Variants in SP1 observed in about 807,000 individuals in gnomAD.
The protein encoded by SP1 is Sp1 transcription factor.
Under a neutral mutation model 66.3 loss-of-function variants are expected in SP1, and 6 were observed. The ratio of observed to expected loss-of-function variants is 0.09; its 90% CI spans 0.05 to 0.18. SP1 has a LOEUF of 0.18. Among genes scored for constraint, SP1 ranks in the 10% least tolerant of loss-of-function variants. The pLI is 1.00. For missense variants in SP1, 848 were observed against 964.5 expected, an observed-to-expected ratio of 0.88 and a Z score of 1.60; for synonymous variants, 417 against 360.8, an observed-to-expected ratio of 1.16 and a Z score of -1.77.
chr12:53,416,444 A>C lies in SP1; in HGVS notation c.*5204A>C, dbSNP rs1424952402. The C allele has an allele frequency of 6.6e-6, 1 of 152,394 alleles. No homozygotes were observed. The highest frequency in any genetic ancestry group is 1.5e-5 in the Non-Finnish European group (1 of 67,994). The allele number at this position is 152,394 out of a possible 1,614,324, so 9.4% of individuals were successfully genotyped here. ...ACCAATTAAAAAGTTTTTTAATAAA[A>C]AACCATGTCTCTGGTGTATTGAAGA... On this transcript the variant is annotated 3_prime_UTR_variant, in exon 6 of 6. Transcript: ENST00000327443.
At position 53,383,341 on chromosome 12, in the gene SP1, A is replaced by G. The variant is rs1014322533; in HGVS notation, c.1394A>G (p.Gln465Arg). The G allele has an allele frequency of 1.2e-6, 2 of 1,614,100 alleles. No homozygotes were observed. Among genetic ancestry groups the G allele is most frequent in the African/African-American group, 1.3e-5 (1 of 74,942 alleles). ...GGGCCCAATGGACAGGTCAGTTGGC[A>G]GACTCTACAGCTGCAGAACCTCCAA... The part of the protein sequence containing the change: ...TVGPNGQVSW[Q>R]TLQLQNLQVQ... Residue 465 changes from glutamine (Q) to arginine (R), a missense_variant, in exon 3 of 6, where the codon CAG (glutamine) becomes CGG (arginine). Gln to Arg is a conservative substitution (Grantham distance 43). Transcript: ENST00000327443.
At position 53,382,554 on chromosome 12, in the gene SP1, C is replaced by A; in HGVS notation, c.607C>A (p.Gln203Lys). 1 of 1,614,058 alleles carries A rather than the reference C, an allele frequency of 6.2e-7. No individual in the cohort carries two copies. Among genetic ancestry groups the A allele is most frequent in the Non-Finnish European group, 8.5e-7 (1 of 1,180,014 alleles). ...GAQVQQDGSGQIQIIPGANQQ... is the reference protein window; with the variant it reads ...GAQVQQDGSGKIQIIPGANQQ... ...CCAAGTGCAGCAGGATGGTTCTGGTCAAATACAGATCATACCAGGTGCAAA... is the reference window on the plus strand; with the variant it reads ...CCAAGTGCAGCAGGATGGTTCTGGTAAAATACAGATCATACCAGGTGCAAA... The change falls in exon 3 of 6, where the codon CAA becomes AAA. Residue 203 changes from glutamine to lysine, a missense_variant. Physicochemically the swap from Gln to Lys is moderately conservative, Grantham distance 53. Around this residue, in one of 7 missense-constraint regions of SP1, gnomAD observed 606 missense variants for 589.9 expected, o/e 1.03. Coordinates refer to ENST00000327443, the MANE Select transcript of SP1 (RefSeq NM_138473.3).
In SP1 at chr12:53,382,583, A is replaced by G. The variant is rs1433712713; in HGVS notation, c.636A>G (p.Gln212=). The change falls in exon 3 of 6, where the codon CAA becomes CAG. Residue 212 remains glutamine (Q), a synonymous_variant. Transcript: ENST00000327443. ...GQIQIIPGAN[Q]QIITNRGSGG... is the part of the protein sequence containing the mutation. ...TACAGATCATACCAGGTGCAAACCA[A>G]CAGATTATCACAAATCGAGGAAGTG... 1.9e-6 allele frequency: 3 copies of G among 1,614,212 alleles called. No homozygotes were observed. Among genetic ancestry groups the G allele is most frequent in the Non-Finnish European group, 2.5e-6 (3 of 1,180,040 alleles).
At position 53,380,213 on chromosome 12, in the gene SP1, C is replaced by A. The variant is rs576657944; in HGVS notation, c.-79C>A. ...CTGTCCGGTCCGGGTTCGCTTGCCT[C>A]GTCAGCGTCCGCGTTTTTCCCGGCC... On this transcript the variant is annotated 5_prime_UTR_variant, in exon 1 of 6. Transcript: ENST00000327443. The A allele has an allele frequency of 1.3e-5, 14 of 1,101,574 alleles. No individual in the cohort carries two copies. The highest frequency in any genetic ancestry group is 6.1e-5 in the African/African-American group (4 of 65,070). The allele number at this position is 1,101,574 out of a possible 1,614,324, so 68.2% of individuals were successfully genotyped here. A position where few individuals can be genotyped will look rare whatever the true frequency, so the allele number is the denominator to read the frequency against.
intron 2 of SP1, 50 bp from the exon 3 acceptor site, chr12:53,382,060 C>A: frequency 6.4e-7 from 1 of 1,559,032 alleles, no homozygotes; most frequent in Non-Finnish European, 8.8e-7. Context: ...GCCCCCTAGG[C>A]TGGCAGCTGG....
In SP1 at chr12:53,399,374, C is replaced by T. The variant is rs939714443; in HGVS notation, c.1676-7211C>T. ...TTTGAGACGGAATCTCGCTCTGTCG[C>T]CCAGGCTGGAGTGCAGTGGCGCGAT... On this transcript the variant is annotated intron_variant, in intron 3 of 5. Transcript: ENST00000327443. Among the ~76,000 whole-genome samples, 12 of 152,056 alleles carry T rather than the reference C, an allele frequency of 7.9e-5. 1 individual carries two copies. The highest frequency in any genetic ancestry group is 7.9e-4 in the Admixed American group (12 of 15,246).
At chr12:53,383,832 C>G (rs1233769266) in intron 3 of SP1, among the ~76,000 whole-genome samples, 2 of 152,146 alleles carry the variant, frequency 1.3e-5, no homozygotes, top group African/African-American at 4.8e-5. Flanking sequence ...GGAAGGAGCA[C>G]TTCTGGGCAA....
At chr12:53,387,998 T>C (rs1050086335) in intron 3 of SP1, among the ~76,000 whole-genome samples, 1 of 151,298 alleles carries the variant, frequency 6.6e-6, no homozygotes, top group Admixed American at 6.6e-5. Flanking sequence ...AAAAAAAAAA[T>C]GTATTCGAAA....
In SP1 at chr12:53,383,519, C is replaced by T. The variant is rs776209869; in HGVS notation, c.1572C>T (p.Ser524=). The T allele has an allele frequency of 2.9e-5, 47 of 1,614,104 alleles. No homozygotes were observed. The highest frequency in any genetic ancestry group is 3.8e-5 in the Non-Finnish European group (45 of 1,180,054). The stretch of plus-strand genomic sequence containing the variant: ...TCACTGTGAATGCTGCTCAACTCTC[C>T]TCCATGCCAGGCCTCCAGACCATTA... ...GTVTVNAAQL[S]SMPGLQTINL... is the part of the protein sequence containing the mutation. Residue 524 remains serine (S), a synonymous_variant, in exon 3 of 6, where the codon TCC becomes TCT. Transcript: ENST00000327443.
chr12:53,388,582 G>C (rs1023877703), intron 3 of SP1, among the ~76,000 whole-genome samples: 1 of 152,140 alleles, frequency 6.6e-6, no homozygotes, highest in African/African-American at 2.4e-5. Flanking sequence ...TAATTGTGTA[G>C]TATTTCCCCT....
At chr12:53,389,396 A>G (rs1266322507) in intron 3 of SP1, among the ~76,000 whole-genome samples, 1 of 151,618 alleles carries the variant, frequency 6.6e-6, no homozygotes, top group Non-Finnish European at 1.5e-5. Context: ...TTTAATCGAG[A>G]TTGAGTTTCA....
At chr12:53,402,502 G>A (rs1198574652) in intron 3 of SP1, among the ~76,000 whole-genome samples, 5 of 151,902 alleles carry the variant, frequency 3.3e-5, no homozygotes, top group South Asian at 4.2e-4. Context: ...GATTACAGGC[G>A]TGAGCCGTTG....
intron 3 of SP1, among the ~76,000 whole-genome samples, chr12:53,404,158 G>A (rs1938674701): frequency 6.7e-6 from 1 of 149,730 alleles, no homozygotes; most frequent in South Asian, 2.1e-4. Context: ...GCGACAGAGC[G>A]AGACTCCGTC....
chr12:53,401,398 C>G (rs1021009052), intron 3 of SP1, among the ~76,000 whole-genome samples: 1 of 149,258 alleles, frequency 6.7e-6, no homozygotes, highest in Non-Finnish European at 1.5e-5. Flanking sequence ...TTGCATTGAG[C>G]CAAGATCGCG....
intron 3 of SP1, among the ~76,000 whole-genome samples, chr12:53,394,940 AG>A: frequency 6.6e-6 from 1 of 151,918 alleles, no homozygotes; most frequent in Non-Finnish European, 1.5e-5. Context: ...TATGTTGCCT[AG>A]GGTAGTCTTG....
intron 3 of SP1, among the ~76,000 whole-genome samples, chr12:53,401,111 A>G (rs1350268140): frequency 2.0e-5 from 3 of 151,980 alleles, no homozygotes; most frequent in African/African-American, 7.3e-5. Flanking sequence ...GCCCCATTTT[A>G]TTACTATCCT....
In SP1 at chr12:53,398,371, C is replaced by T. The variant is rs183491791; in HGVS notation, c.1676-8214C>T. ...GATCTTGGTTCACTGCAACCTCTGC[C>T]TCCCGGGTTCAAGCAATTCTCCTGC... On this transcript the variant is annotated intron_variant, in intron 3 of 5. Coordinates refer to ENST00000327443, the MANE Select transcript of SP1 (RefSeq NM_138473.3). 2.8e-3 allele frequency among the ~76,000 whole-genome samples: 430 copies of T among 152,246 alleles called. 11 individuals are homozygous for T. The highest frequency in any genetic ancestry group is 0.025 in the Admixed American group (382 of 15,272).
chr12:53,405,680 AAAG>A (rs1303372471), intron 3 of SP1, among the ~76,000 whole-genome samples: 33 of 149,464 alleles, frequency 2.2e-4, no homozygotes, highest in Admixed American at 1.6e-3. Context: ...AAAGGAAAGA[AAAG>A]AGAGAGAGAG....
In SP1 at chr12:53,403,493, C is replaced by T. The variant is rs1224842570; in HGVS notation, c.1676-3092C>T. 4.6e-5 allele frequency among the ~76,000 whole-genome samples: 7 copies of T among 151,308 alleles called. No homozygotes were observed. The East Asian group carries it at 1.4e-3, about 30-fold the overall frequency. On this transcript the variant is annotated intron_variant, in intron 3 of 5. Transcript: ENST00000327443. ...TCATCCTCCCAGGTAGTTGGGACTCCAGGCACACGCCACCATGCCCAGCTA... is the reference window on the plus strand; with the variant it reads ...TCATCCTCCCAGGTAGTTGGGACTCTAGGCACACGCCACCATGCCCAGCTA...
Sources: gnomAD v4.1 joint callset for allele counts (sites outside exome capture counted in the v4.1 genomes callset) on GRCh38, gnomAD v4.1.1 for gene constraint, gnomAD v4.1.1 regional missense constraint, MANE v1.5 for transcripts, NCBI Gene and HGNC (gene_info 2026-07-23, HGNC 2026-07-21) for gene names.